The following ITCH variants were observed in gnomAD, a reference collection of about 807,000 sequenced individuals.
ITCH encodes the protein itchy E3 ubiquitin protein ligase.
Under a neutral mutation model 126.8 loss-of-function variants are expected in ITCH, and 28 were observed. The ratio of observed to expected loss-of-function variants is 0.22; its 90% CI spans 0.16 to 0.30. The LOEUF (loss-of-function observed/expected upper bound fraction) is 0.30. Ranked by LOEUF, ITCH falls within the 10% of genes least tolerant of loss-of-function variation. ITCH has a pLI of 1.00. For missense variants in ITCH, 631 were observed against 1,032.4 expected, an observed-to-expected ratio of 0.61 and a Z score of 5.33; for synonymous variants, 342 against 340.0, an observed-to-expected ratio of 1.01 and a Z score of -0.06.
chr20:34,370,674 A>G (rs1406386404), intron 2 of ITCH, among the ~76,000 whole-genome samples: 1 of 151,660 alleles, frequency 6.6e-6, no homozygotes, highest in East Asian at 1.9e-4. Context: ...AAAAAAAAAA[A>G]AAAGAAAAGA....
intron 2 of ITCH, among the ~76,000 whole-genome samples, chr20:34,373,741 C>T (rs4911153): frequency 0.51 from 77,676 of 151,864 alleles, 20,125 homozygotes; most frequent in Admixed American, 0.62. Context: ...AATACTATGT[C>T]GTCACTTACA....
At chr20:34,439,941 C>T (rs1226849157) in intron 8 of ITCH, among the ~76,000 whole-genome samples, 1 of 152,156 alleles carries the variant, frequency 6.6e-6, no homozygotes, top group Non-Finnish European at 1.5e-5. Flanking sequence ...AGTAATGGGA[C>T]ATAGGGGTAG....
chr20:34,506,209 A>T (rs1363332234), intron 24 of ITCH, among the ~76,000 whole-genome samples: 1 of 152,148 alleles, frequency 6.6e-6, no homozygotes, highest in Non-Finnish European at 1.5e-5. Context: ...GACGACAGGC[A>T]TGTGCTACCA....
At chr20:34,394,819 G>A (rs73097041) in intron 3 of ITCH, among the ~76,000 whole-genome samples, 3,385 of 152,218 alleles carry the variant, frequency 0.022, 55 homozygotes, top group Middle Eastern at 0.041. Flanking sequence ...GATGGTAAAT[G>A]ATTTTTAGGG....
chr20:34,447,931 G>T (rs1036434660), intron 11 of ITCH, among the ~76,000 whole-genome samples: 6 of 152,198 alleles, frequency 3.9e-5, no homozygotes, highest in Non-Finnish European at 1.5e-5. Flanking sequence ...CAGGGGAGCT[G>T]CTCTATATTG....
chr20:34,417,634 A>G (rs887113195), intron 6 of ITCH, among the ~76,000 whole-genome samples: 4 of 145,740 alleles, frequency 2.7e-5, no homozygotes, highest in African/African-American at 1.0e-4. Flanking sequence ...TCCGGACCTC[A>G]GTTGATCCGC....
At position 34,376,585 on chromosome 20, in the gene ITCH, T is replaced by C. The variant is rs528608598; in HGVS notation, c.-22+7115T>C. On this transcript the variant is annotated intron_variant, in intron 2 of 24. Coordinates refer to ENST00000374864, the MANE Select transcript of ITCH (RefSeq NM_031483.7). ...GGAAGTTAGTTAGTTATTCAGAATA[T>C]GCCAAGGTGCAGAGGCAGGAATGGA... Among the ~76,000 whole-genome samples the C allele has an allele frequency of 2.0e-5, 3 of 152,254 alleles. No homozygotes were observed. In the South Asian group the frequency reaches 6.2e-4, roughly 32 times the overall value.
chr20:34,438,569 G>T lies in ITCH; in HGVS notation c.617G>T (p.Gly206Val). The stretch of plus-strand genomic sequence containing the variant: ...AATTCTCCATCACTCTCAAATGGTG[G>T]TTTTAAACCTTCTAGACCTCCAAGA... ...GNNSPSLSNG[G>V]FKPSRPPRPS... is the part of the protein sequence containing the mutation. The change falls in exon 8 of 25, where the codon GGT becomes GTT. Residue 206 changes from glycine (G) to valine (V), a missense_variant. By Grantham distance (109) the Gly-to-Val change is moderately radical. Around this residue, in one of 4 missense-constraint regions of ITCH, gnomAD observed 220 missense variants for 265.7 expected, o/e 0.83. Coordinates refer to ENST00000374864, the MANE Select transcript of ITCH (RefSeq NM_031483.7). 6.2e-7 allele frequency: 1 copy of T among 1,614,058 alleles called. No individual in the cohort carries two copies. The highest frequency in any genetic ancestry group is 1.1e-5 in the South Asian group (1 of 91,076).
At chr20:34,403,917 G>A (rs2038967962) in intron 3 of ITCH, among the ~76,000 whole-genome samples, 1 of 152,280 alleles carries the variant, frequency 6.6e-6, no homozygotes, top group East Asian at 1.9e-4. Flanking sequence ...TAGAACTTTG[G>A]TAAGATTTGT....
intron 3 of ITCH, among the ~76,000 whole-genome samples, chr20:34,398,546 C>T (rs1164145836): frequency 6.6e-6 from 1 of 151,870 alleles, no homozygotes; most frequent in East Asian, 1.9e-4. Flanking sequence ...TTACAGGCAC[C>T]CGCCACTATG....
chr20:34,393,237 G>A (rs930553538), intron 2 of ITCH, among the ~76,000 whole-genome samples: 3 of 152,222 alleles, frequency 2.0e-5, no homozygotes, highest in African/African-American at 4.8e-5. Flanking sequence ...TTGGTCAGGT[G>A]TGGTGGCTCA....
intron 24 of ITCH, among the ~76,000 whole-genome samples, chr20:34,505,492 TTC>T (rs1208846037): frequency 2.6e-5 from 4 of 152,176 alleles, no homozygotes; most frequent in Non-Finnish European, 4.4e-5. Context: ...CTAATCTACT[TTC>T]TGTCTCTATG....
At chr20:34,365,206 A>C (rs1286393734) in intron 1 of ITCH, among the ~76,000 whole-genome samples, 1 of 152,042 alleles carries the variant, frequency 6.6e-6, no homozygotes, top group East Asian at 1.9e-4. Context: ...GTCTCAAAAA[A>C]TAAAAAAAAA....
At position 34,440,319 on chromosome 20, in the gene ITCH, G is replaced by A. The variant is rs1039152066; in HGVS notation, c.844G>A (p.Val282Ile). The A allele has an allele frequency of 6.2e-7, 1 of 1,614,064 alleles. No homozygotes were observed. Among genetic ancestry groups the A allele is most frequent in the Admixed American group, 1.7e-5 (1 of 60,020 alleles). Residue 282 changes from valine (V) to isoleucine (I), a missense_variant, in exon 9 of 25, where the codon GTA becomes ATA. Transcript: ENST00000374864. ...GGSGPRPLNP[V>I]TQAPLPPGWE... ...CTCAGGCCCTAGGCCATTAAATCCT[G>A]TAACTCAAGCTCCCTTGCCACCTGG...
chr20:34,507,392 G>A (rs1053125170), intron 24 of ITCH, among the ~76,000 whole-genome samples: 3 of 149,634 alleles, frequency 2.0e-5, no homozygotes, highest in African/African-American at 7.4e-5. Flanking sequence ...AGGATGTTGA[G>A]CATTTTTTTA....
chr20:34,477,336 G>T (rs1257957693), intron 16 of ITCH, among the ~76,000 whole-genome samples: 1 of 152,164 alleles, frequency 6.6e-6, no homozygotes, highest in Non-Finnish European at 1.5e-5. Flanking sequence ...TTTGAGACCA[G>T]CCTGGCCAAC....
intron 24 of ITCH, among the ~76,000 whole-genome samples, chr20:34,505,103 G>T (rs1375845253): frequency 6.6e-6 from 1 of 152,056 alleles, no homozygotes; most frequent in Admixed American, 6.6e-5. Flanking sequence ...GAGTGCAGTG[G>T]TTTGATCTCA....
chr20:34,400,660 T>A (rs1601810896), intron 3 of ITCH, among the ~76,000 whole-genome samples: 1 of 150,600 alleles, frequency 6.6e-6, no homozygotes, highest in Non-Finnish European at 1.5e-5. Context: ...TTTTTTTTTT[T>A]TTTTTGAGAC....
chr20:34,399,217 ACT>A (rs1456240102), intron 3 of ITCH, among the ~76,000 whole-genome samples: 3 of 151,542 alleles, frequency 2.0e-5, no homozygotes, highest in African/African-American at 7.3e-5. Context: ...ACATGGAGAA[ACT>A]CTGTCTCTAG....
Sources: allele counts gnomAD v4.1 joint callset (sites outside exome capture counted in the v4.1 genomes callset), GRCh38; gene constraint gnomAD v4.1.1; regional missense constraint gnomAD v4.1.1; transcripts MANE v1.5; gene names NCBI Gene and HGNC (gene_info 2026-07-23, HGNC 2026-07-21).